The following UNC13C variants were observed in gnomAD, a reference collection of about 807,000 sequenced individuals.
UNC13C encodes unc-13 homolog C, also known as protein unc-13 homolog C.
Under a neutral mutation model 245.4 loss-of-function variants are expected in UNC13C, and 174 were observed. The observed-to-expected ratio is 0.71, with a 90% CI of 0.63 to 0.80. UNC13C has a LOEUF of 0.80. Ranked by LOEUF, UNC13C falls within the 30% of genes least tolerant of loss-of-function variation. The pLI, the probability that UNC13C is intolerant of heterozygous loss-of-function variation, is 0.00. For missense variants in UNC13C, 2,829 were observed against 2,602.9 expected, an observed-to-expected ratio of 1.09 and a Z score of -1.89; for synonymous variants, 992 against 895.1, an observed-to-expected ratio of 1.11 and a Z score of -1.93.
At chr15:54,287,746 TA>T (rs2037186081) in intron 10 of UNC13C, among the ~76,000 whole-genome samples, 1 of 152,104 alleles carries the variant, frequency 6.6e-6, no homozygotes, top group Non-Finnish European at 1.5e-5. Flanking sequence ...GGAAATTGCA[TA>T]AAACTAAAAA....
rs1007708349 is a variant in UNC13C at position 54,013,202 on chromosome 15, A to G, written c.299A>G (p.Asn100Ser). The G allele has an allele frequency of 1.2e-6, 2 of 1,613,828 alleles. No homozygotes were observed. The highest frequency in any genetic ancestry group is 1.7e-6 in the Non-Finnish European group (2 of 1,179,844). The change falls in exon 2 of 33, where the codon AAT (asparagine) becomes AGT (serine). Residue 100 changes from asparagine (N) to serine (S), a missense_variant. Transcript: ENST00000260323. ...PTFSYRVAIA[N>S]GLQKNAKVTN... ...TTCAGTTACCGAGTAGCTATTGCCAATGGCCTACAAAAGAATGCTAAAGTA... is the reference window on the plus strand; with the variant it reads ...TTCAGTTACCGAGTAGCTATTGCCAGTGGCCTACAAAAGAATGCTAAAGTA...
At chr15:54,567,758 A>C (rs767611681) in intron 29 of UNC13C, 42 bp from the exon 30 acceptor site, 2 of 1,517,192 alleles carry the variant, frequency 1.3e-6, no homozygotes, top group South Asian at 2.6e-5. Flanking sequence ...GTCTTCCAAT[A>C]CTTCTCTCTA....
At chr15:54,156,252 C>T (rs1312070579) in intron 4 of UNC13C, among the ~76,000 whole-genome samples, 2 of 152,068 alleles carry the variant, frequency 1.3e-5, no homozygotes, top group Non-Finnish European at 2.9e-5. Context: ...ATCTTTTTTG[C>T]TTTGAGAATT....
intron 2 of UNC13C, among the ~76,000 whole-genome samples, chr15:54,113,284 A>G (rs890823074): frequency 1.3e-5 from 2 of 152,214 alleles, no homozygotes; most frequent in Non-Finnish European, 2.9e-5. Context: ...GTGTAGCTTT[A>G]TGGCATTCAT....
intron 3 of UNC13C, 133 bp downstream of exon 3, chr15:54,143,173 T>C: frequency 1.1e-6 from 1 of 888,178 alleles, no homozygotes; most frequent in Non-Finnish European, 1.8e-6. Flanking sequence ...TTTCCATTAT[T>C]TGGTTGTCCT....
At chr15:53,951,936 A>C in the UNC13C span, among the ~76,000 whole-genome samples, 1 of 152,114 alleles carries the variant, frequency 6.6e-6, no homozygotes, top group Non-Finnish European at 1.5e-5. Context: ...ACTTTTTTCA[A>C]GTGTATTTAT....
chr15:54,077,723 T>C (rs1427612016), intron 2 of UNC13C, among the ~76,000 whole-genome samples: 1 of 152,088 alleles, frequency 6.6e-6, no homozygotes, highest in African/African-American at 2.4e-5. Context: ...TCCCATAACA[T>C]CTAATTAAAT....
intron 19 of UNC13C, among the ~76,000 whole-genome samples, chr15:54,485,522 C>T (rs1893358910): frequency 6.6e-6 from 1 of 152,226 alleles, no homozygotes; most frequent in Admixed American, 6.5e-5. Context: ...CCTTCTGCAT[C>T]TCCTTCTGCC....
chr15:54,618,963 T>G (rs1215550290), intron 30 of UNC13C, among the ~76,000 whole-genome samples: 1 of 152,154 alleles, frequency 6.6e-6, no homozygotes, highest in Non-Finnish European at 1.5e-5. Context: ...ACAGGGAAAT[T>G]TAAAATACAG....
At chr15:54,509,135 G>T (rs930913857) in intron 23 of UNC13C, among the ~76,000 whole-genome samples, 2 of 152,094 alleles carry the variant, frequency 1.3e-5, no homozygotes, top group Non-Finnish European at 2.9e-5. Context: ...GGAGATGGAG[G>T]TTGCAGTGAG....
chr15:54,465,771 A>C (rs1003556758), intron 19 of UNC13C, among the ~76,000 whole-genome samples: 3 of 152,064 alleles, frequency 2.0e-5, no homozygotes, highest in Non-Finnish European at 4.4e-5. Flanking sequence ...TTTGGAATTC[A>C]GAAACAGAAT....
At chr15:54,284,231 G>A (rs2037081340) in intron 10 of UNC13C, among the ~76,000 whole-genome samples, 1 of 152,140 alleles carries the variant, frequency 6.6e-6, no homozygotes, top group South Asian at 2.1e-4. Context: ...TACATCCAAA[G>A]TGGATCTTGT....
rs71105808 is a variant in UNC13C, at chr15:54,408,199, C to CAAAA, written c.4848-6756_4848-6753dup. Among the ~76,000 whole-genome samples the CAAAA allele has an allele frequency of 7.7e-3, 225 of 29,102 alleles. 25 individuals carry two copies. Among genetic ancestry groups the CAAAA allele is most frequent in the African/African-American group, 0.012 (133 of 11,324 alleles). 19.1% of individuals were successfully genotyped at this position (29,102 alleles called of 152,430 possible). The stretch of plus-strand genomic sequence containing the variant: ...TGGGTGACAGAGTGAGACTCTGCCT[C>CAAAA]AAAAAAAAAAAAAAAAAAAAAAAAA... On this transcript the variant is annotated intron_variant, in intron 18 of 32. Transcript: ENST00000260323.
At chr15:54,403,194 C>G (rs2040222320) in intron 18 of UNC13C, among the ~76,000 whole-genome samples, 1 of 152,176 alleles carries the variant, frequency 6.6e-6, no homozygotes, top group Non-Finnish European at 1.5e-5. Context: ...CTGGCCATCT[C>G]CAACTCCTTT....
At chr15:54,412,184 T>A (rs2040429361) in intron 18 of UNC13C, among the ~76,000 whole-genome samples, 1 of 151,094 alleles carries the variant, frequency 6.6e-6, no homozygotes, top group Non-Finnish European at 1.5e-5. Context: ...CCAGCCTGGG[T>A]GACAGAGTGA....
At chr15:54,008,735 G>T (rs1895250942) in intron 1 of UNC13C, among the ~76,000 whole-genome samples, 1 of 152,122 alleles carries the variant, frequency 6.6e-6, no homozygotes, top group Non-Finnish European at 1.5e-5. Flanking sequence ...AGGTATGTGG[G>T]TTTGTATGGG....
intron 26 of UNC13C, among the ~76,000 whole-genome samples, chr15:54,537,170 C>A (rs890378419): frequency 6.6e-6 from 1 of 152,046 alleles, no homozygotes; most frequent in Non-Finnish European, 1.5e-5. Context: ...AGTAGTATTT[C>A]TATGCACCAA....
At chr15:53,953,386 C>CA in the UNC13C span, among the ~76,000 whole-genome samples, 1 of 152,142 alleles carries the variant, frequency 6.6e-6, no homozygotes, top group South Asian at 2.1e-4. Context: ...AGGAGGGCCC[C>CA]AGAAGTCAAG....
At chr15:54,259,647 T>C (rs1242951941) in intron 8 of UNC13C, among the ~76,000 whole-genome samples, 3 of 152,248 alleles carry the variant, frequency 2.0e-5, no homozygotes, top group African/African-American at 7.2e-5. Flanking sequence ...AGCTAAACCA[T>C]ATCACTGAAG....
Sources: allele counts gnomAD v4.1 joint callset (sites outside exome capture counted in the v4.1 genomes callset), GRCh38; gene constraint gnomAD v4.1.1; transcripts MANE v1.5; gene names NCBI Gene and HGNC (gene_info 2026-07-23, HGNC 2026-07-21).